CNTNAP2: variants seen among roughly 807,000 people sequenced by gnomAD.
CNTNAP2 encodes contactin associated protein 2.
Under a neutral mutation model 155.2 loss-of-function variants are expected in CNTNAP2, and 98 were observed. The ratio of observed to expected loss-of-function variants is 0.63; its 90% CI spans 0.54 to 0.75. The LOEUF is 0.75. CNTNAP2 is among the 30% of genes least tolerant of loss of function. The pLI is 0.00. For missense variants in CNTNAP2, 1,727 were observed against 1,688.1 expected (o/e 1.02, Z -0.40); for synonymous variants, 651 against 631.2 (o/e 1.03, Z -0.47).
intron 1 of CNTNAP2, among the ~76,000 whole-genome samples, chr7:146,265,094 A>G (rs802571): frequency 0.21 from 32,695 of 152,164 alleles, 9,631 homozygotes; most frequent in African/African-American, 0.67. Context: ...TAAGAAAGCT[A>G]ACAGTTCACA....
chr7:146,904,028 G>T (rs1393155022), intron 3 of CNTNAP2, among the ~76,000 whole-genome samples: 2 of 152,088 alleles, frequency 1.3e-5, no homozygotes, highest in Non-Finnish European at 2.9e-5. Context: ...TCTTTTAAAA[G>T]TATAAATTAG....
chr7:147,808,471 A>T lies in CNTNAP2; in HGVS notation c.2099-95094A>T, dbSNP rs566018126. Among the ~76,000 whole-genome samples, 9 of 152,306 alleles carry T rather than the reference A, an allele frequency of 5.9e-5. No individual in the cohort carries two copies. The East Asian group carries it at 1.5e-3, about 26-fold the overall frequency. On this transcript the variant is annotated intron_variant, in intron 13 of 23. Transcript: ENST00000361727. ...CCTTATTCTTTCTATCCTCCCAAAG[A>T]CTACCATATGTATATTTGCACTCAT... is the stretch of plus-strand genomic sequence containing the variant.
intron 15 of CNTNAP2, among the ~76,000 whole-genome samples, chr7:148,067,703 A>G (rs148188641): frequency 2.6e-5 from 4 of 152,342 alleles, no homozygotes; most frequent in Non-Finnish European, 4.4e-5. Flanking sequence ...GGGTTGGACC[A>G]TAGCGCTCCC....
chr7:147,276,090 G>C (rs1203330931), intron 8 of CNTNAP2, among the ~76,000 whole-genome samples: 1 of 151,820 alleles, frequency 6.6e-6, no homozygotes, highest in East Asian at 1.9e-4. Flanking sequence ...TTGCATGTGT[G>C]TTTTTGCATG....
intron 3 of CNTNAP2, among the ~76,000 whole-genome samples, chr7:147,005,406 T>C (rs1798507301): frequency 6.6e-6 from 1 of 152,058 alleles, no homozygotes; most frequent in Non-Finnish European, 1.5e-5. Flanking sequence ...TTTTTTTCTC[T>C]ACCCTACTGG....
At chr7:148,035,321 C>A (rs1288463830) in intron 15 of CNTNAP2, among the ~76,000 whole-genome samples, 2 of 152,132 alleles carry the variant, frequency 1.3e-5, no homozygotes, top group Non-Finnish European at 2.9e-5. Context: ...ATCTCTGAGG[C>A]TCTCCCTCCA....
chr7:147,188,735 A>T (rs1802619383), intron 8 of CNTNAP2, among the ~76,000 whole-genome samples: 1 of 152,230 alleles, frequency 6.6e-6, no homozygotes, highest in Non-Finnish European at 1.5e-5. Flanking sequence ...GGATAAGAGC[A>T]AAAGTAAACT....
intron 3 of CNTNAP2, among the ~76,000 whole-genome samples, chr7:146,906,356 GACAA>G (rs1212968355): frequency 6.6e-6 from 1 of 152,186 alleles, no homozygotes; most frequent in Non-Finnish European, 1.5e-5. Flanking sequence ...GCAGGGCACA[GACAA>G]ACAAAAAGAC....
chr7:146,181,617 A>G (rs1562980136), intron 1 of CNTNAP2, among the ~76,000 whole-genome samples: 2 of 152,110 alleles, frequency 1.3e-5, no homozygotes, highest in African/African-American at 4.8e-5. Context: ...TAAAGACTTC[A>G]CTTTTTTACT....
At chr7:147,032,815 T>G (rs1799061609) in intron 3 of CNTNAP2, among the ~76,000 whole-genome samples, 1 of 151,416 alleles carries the variant, frequency 6.6e-6, no homozygotes, top group African/African-American at 2.4e-5. Context: ...TGACTTAGAC[T>G]GGAGATAAAT....
At chr7:147,905,443 G>C (rs370038506) in intron 14 of CNTNAP2, among the ~76,000 whole-genome samples, 3 of 152,324 alleles carry the variant, frequency 2.0e-5, no homozygotes, top group African/African-American at 7.2e-5. Flanking sequence ...ATCATGCTAA[G>C]TTCTAGGGAT....
At chr7:146,558,380 G>A (rs1317681344) in intron 1 of CNTNAP2, among the ~76,000 whole-genome samples, 1 of 152,108 alleles carries the variant, frequency 6.6e-6, no homozygotes, top group Non-Finnish European at 1.5e-5. Context: ...ATAGCTGATG[G>A]ATTATAAGAA....
At chr7:148,009,622 CT>C (rs1225134397) in intron 15 of CNTNAP2, among the ~76,000 whole-genome samples, 2 of 151,864 alleles carry the variant, frequency 1.3e-5, no homozygotes, top group African/African-American at 4.8e-5. Flanking sequence ...CAAGGACTGC[CT>C]CTTTGTGTGT....
intron 9 of CNTNAP2, among the ~76,000 whole-genome samples, chr7:147,387,487 C>T (rs1340084978): frequency 7.2e-5 from 11 of 152,154 alleles, no homozygotes; most frequent in African/African-American, 2.4e-4. Flanking sequence ...GGTCCTGTTA[C>T]TCATGGTGAT....
At chr7:146,156,696 G>T (rs1419305825) in intron 1 of CNTNAP2, among the ~76,000 whole-genome samples, 1 of 152,072 alleles carries the variant, frequency 6.6e-6, no homozygotes, top group African/African-American at 2.4e-5. Flanking sequence ...TCTGCCTCCA[G>T]GGTTCAAGTG....
chr7:146,308,691 G>T (rs1265171916), intron 1 of CNTNAP2, among the ~76,000 whole-genome samples: 3 of 152,106 alleles, frequency 2.0e-5, no homozygotes, highest in Non-Finnish European at 4.4e-5. Context: ...CATGGATGAA[G>T]CTGGAAACCA....
At chr7:146,417,279 T>C (rs1485780476) in intron 1 of CNTNAP2, among the ~76,000 whole-genome samples, 1 of 152,198 alleles carries the variant, frequency 6.6e-6, no homozygotes, top group Non-Finnish European at 1.5e-5. Flanking sequence ...AGTTTTCTAC[T>C]TGAATTATAG....
At chr7:146,705,005 C>A (rs1800938943) in intron 1 of CNTNAP2, among the ~76,000 whole-genome samples, 1 of 152,130 alleles carries the variant, frequency 6.6e-6, no homozygotes, top group Non-Finnish European at 1.5e-5. Context: ...GACAGTGTCT[C>A]TCAGCTGAGA....
At chr7:146,826,223 C>G (rs1803397594) in intron 2 of CNTNAP2, among the ~76,000 whole-genome samples, 1 of 152,048 alleles carries the variant, frequency 6.6e-6, no homozygotes, top group East Asian at 1.9e-4. Context: ...TGACCCTTTT[C>G]TTTCTTAAGT....
Sources: allele counts gnomAD v4.1 joint callset (sites outside exome capture counted in the v4.1 genomes callset), GRCh38; gene constraint gnomAD v4.1.1; transcripts MANE v1.5; gene names NCBI Gene and HGNC (gene_info 2026-07-23, HGNC 2026-07-21).